Variants in TRIO observed in about 807,000 individuals in gnomAD.
The protein encoded by TRIO is trio Rho guanine nucleotide exchange factor.
A neutral mutation model predicts 351.9 loss-of-function variants in TRIO; 58 were observed. The observed-to-expected ratio is 0.16, with a 90% CI of 0.13 to 0.21. The LOEUF (loss-of-function observed/expected upper bound fraction) is 0.21. TRIO is among the 10% of genes least tolerant of loss of function. The pLI, the probability that TRIO is intolerant of heterozygous loss-of-function variation, is 1.00. For synonymous variants in TRIO, 1,758 were observed against 1,595.7 expected (o/e 1.10, Z -2.42); for missense variants, 3,201 against 4,027.8 (o/e 0.79, Z 5.56).
intron 4 of TRIO, among the ~76,000 whole-genome samples, chr5:14,289,236 T>C (rs988303473): frequency 1.3e-5 from 2 of 151,970 alleles, no homozygotes; most frequent in East Asian, 3.9e-4. Flanking sequence ...AATACAAAAA[T>C]TAGCTGAGCG....
intron 1 of TRIO, among the ~76,000 whole-genome samples, chr5:14,219,822 T>C (rs1792477787): frequency 6.6e-6 from 1 of 152,086 alleles, no homozygotes; most frequent in African/African-American, 2.4e-5. Context: ...TCAGTATTTT[T>C]CAAGCAGCAT....
In TRIO at chr5:14,498,946, C is replaced by T. The variant is rs144611851; in HGVS notation, c.8332+306C>T. ...CACCATGGGGCACCAGGGCCCCCCA[C>T]GACCAGCTTCTGAGTTGGAGCAGGG... is the stretch of plus-strand genomic sequence containing the variant. On this transcript the variant is annotated intron_variant, in intron 53 of 56. Transcript: ENST00000344204. 878 of 299,134 alleles carry T rather than the reference C, an allele frequency of 2.9e-3. 8 individuals are homozygous for T. The highest frequency in any genetic ancestry group is 0.017 in the African/African-American group (820 of 47,480). The allele number at this position is 299,134 out of a possible 1,614,324, so 18.5% of individuals were successfully genotyped here. A position where few individuals can be genotyped will look rare whatever the true frequency, so the allele number is the denominator to read the frequency against.
chr5:14,363,090 C>T (rs1335139618), intron 13 of TRIO, among the ~76,000 whole-genome samples: 1 of 151,578 alleles, frequency 6.6e-6, no homozygotes, highest in Non-Finnish European at 1.5e-5. Context: ...CCTCTGCCTC[C>T]CAGGTTCAAG....
intron 35 of TRIO, among the ~76,000 whole-genome samples, 176 bp from the exon 36 acceptor site, chr5:14,462,579 A>G (rs915910143): frequency 2.0e-5 from 3 of 152,258 alleles, no homozygotes; most frequent in African/African-American, 7.2e-5. Flanking sequence ...CAAGTTGACA[A>G]GCAAAGCTAT....
At chr5:14,170,774 G>A (rs1348264640) in intron 1 of TRIO, among the ~76,000 whole-genome samples, 1 of 152,006 alleles carries the variant, frequency 6.6e-6, no homozygotes, top group African/African-American at 2.4e-5. Flanking sequence ...CAAAGTGCTG[G>A]GATTACAGGA....
At chr5:14,291,578 C>A (rs1274110146) in intron 5 of TRIO, among the ~76,000 whole-genome samples, 2 of 151,806 alleles carry the variant, frequency 1.3e-5, no homozygotes, top group Admixed American at 6.6e-5. Flanking sequence ...CACCTGAGGT[C>A]AGGAGATTGA....
At chr5:14,506,769 G>A (rs1030472716) in intron 55 of TRIO, among the ~76,000 whole-genome samples, 2 of 152,156 alleles carry the variant, frequency 1.3e-5, no homozygotes, top group African/African-American at 4.8e-5. Flanking sequence ...GCTCCGAGAA[G>A]CATGAGCTAC....
chr5:14,317,494 G>A (rs535788124), intron 9 of TRIO, among the ~76,000 whole-genome samples: 16 of 152,280 alleles, frequency 1.1e-4, no homozygotes, highest in East Asian at 9.6e-4. Context: ...GCTGGGAACC[G>A]CCGTGATAAG....
At chr5:14,390,853 G>A (rs368875873) in intron 26 of TRIO, 48 bp from the exon 27 acceptor site, 77 of 1,499,834 alleles carry the variant, frequency 5.1e-5, no homozygotes, top group Non-Finnish European at 5.9e-5. Context: ...TTTATCATGC[G>A]TTGACTTGTT....
chr5:14,259,243 T>G (rs796348723), intron 1 of TRIO, among the ~76,000 whole-genome samples: 8 of 152,366 alleles, frequency 5.3e-5, no homozygotes, highest in African/African-American at 1.9e-4. Context: ...CAAATCTGTT[T>G]CTGTGTCAAA....
chr5:14,457,408 G>C (rs958327784), intron 34 of TRIO, among the ~76,000 whole-genome samples: 6 of 101,094 alleles, frequency 5.9e-5, no homozygotes, highest in African/African-American at 2.1e-4. Flanking sequence ...CCGGTACTAG[G>C]AGTGACCATT....
chr5:14,313,133 G>A (rs945434355), intron 8 of TRIO, among the ~76,000 whole-genome samples: 2 of 152,220 alleles, frequency 1.3e-5, no homozygotes, highest in African/African-American at 4.8e-5. Flanking sequence ...GGTCCAAGAG[G>A]TGTTATCTCG....
At chr5:14,486,565 T>C (rs1037599699) in intron 47 of TRIO, among the ~76,000 whole-genome samples, 13 of 152,192 alleles carry the variant, frequency 8.5e-5, no homozygotes, top group African/African-American at 1.4e-4. Context: ...AATCCATAGC[T>C]TGGAATTGAG....
In TRIO at chr5:14,378,100, C is replaced by T. The variant is rs200856978; in HGVS notation, c.3420C>T (p.Tyr1140=). The change falls in exon 20 of 57, where the codon TAC becomes TAT. Residue 1140 remains tyrosine (Y), a synonymous_variant. Coordinates refer to ENST00000344204, the MANE Select transcript of TRIO (RefSeq NM_007118.4). ...RKRRLDQCQQ[Y]VVFERSAKQA... The stretch of plus-strand genomic sequence containing the variant: ...GACGGCTGGACCAGTGTCAGCAGTA[C>T]GTGGTCTTTGAGAGGAGTGCCAAGC... 1.2e-5 allele frequency: 20 copies of T among 1,612,676 alleles called. 1 individual carries two copies. Among genetic ancestry groups the T allele is most frequent in the Middle Eastern group, 1.7e-4 (1 of 6,038 alleles).
intron 34 of TRIO, among the ~76,000 whole-genome samples, chr5:14,435,358 C>T (rs909174831): frequency 6.6e-6 from 1 of 152,212 alleles, no homozygotes; most frequent in Admixed American, 6.5e-5. Context: ...GGCTCCACCA[C>T]AATGTGCAGG....
chr5:14,372,883 T>G (rs1000908519), intron 18 of TRIO, among the ~76,000 whole-genome samples: 1 of 152,176 alleles, frequency 6.6e-6, no homozygotes, highest in African/African-American at 2.4e-5. Context: ...TCCATTCTCA[T>G]GCGCTGTGAA....
chr5:14,331,601 A>C (rs560353358), intron 10 of TRIO, among the ~76,000 whole-genome samples: 3 of 152,174 alleles, frequency 2.0e-5, no homozygotes, highest in Non-Finnish European at 4.4e-5. Context: ...AGGAACCCAA[A>C]ATTCGAACCT....
intron 8 of TRIO, among the ~76,000 whole-genome samples, chr5:14,308,531 TATCC>T (rs769649554): frequency 1.1e-4 from 16 of 148,996 alleles, no homozygotes; most frequent in South Asian, 4.3e-4. Context: ...TCCATCCATT[TATCC>T]ATCCATCCAC....
intron 29 of TRIO, 182 bp downstream of exon 29, chr5:14,397,336 T>C (rs1342253070): frequency 1.8e-6 from 1 of 553,646 alleles, no homozygotes; most frequent in Admixed American, 3.5e-5. Context: ...TCTATACTCA[T>C]TGAAAGCCTT....
Sources: gnomAD v4.1 joint callset for allele counts (sites outside exome capture counted in the v4.1 genomes callset) on GRCh38, gnomAD v4.1.1 for gene constraint, MANE v1.5 for transcripts, NCBI Gene and HGNC (gene_info 2026-07-23, HGNC 2026-07-21) for gene names.